STK3: variants seen among roughly 807,000 people sequenced by gnomAD.
STK3 encodes the protein serine/threonine-protein kinase 3.
Under a neutral mutation model 58.0 loss-of-function variants are expected in STK3, and 41 were observed. The observed-to-expected ratio is 0.71, with a 90% CI of 0.55 to 0.92. STK3 has a LOEUF of 0.92. Ranked by LOEUF, STK3 falls within the 40% of genes least tolerant of loss-of-function variation. STK3 has a pLI of 0.00. For synonymous variants in STK3, 170 were observed against 191.0 expected (o/e 0.89, Z 0.91); for missense variants, 479 against 602.7 (o/e 0.79, Z 2.15).
chr8:98,891,911 C>G (rs1421513629), intron 1 of STK3, among the ~76,000 whole-genome samples: 1 of 152,102 alleles, frequency 6.6e-6, no homozygotes, highest in African/African-American at 2.4e-5. Flanking sequence ...TCACTAGACT[C>G]TGAAAGTACT....
intron 1 of STK3, among the ~76,000 whole-genome samples, chr8:98,924,513 T>C (rs1463485282): frequency 1.3e-5 from 2 of 152,250 alleles, no homozygotes; most frequent in Admixed American, 6.5e-5. Context: ...ACTATGCTCA[T>C]CTTGCATCAA....
intron 7 of STK3, among the ~76,000 whole-genome samples, chr8:98,584,883 T>A (rs1456700023): frequency 6.6e-6 from 1 of 151,762 alleles, no homozygotes; most frequent in African/African-American, 2.4e-5. Context: ...GTTTTTTAGC[T>A]GCATAAATGT....
intron 3 of STK3, among the ~76,000 whole-genome samples, chr8:98,851,354 T>C (rs988363290): frequency 1.3e-5 from 2 of 152,168 alleles, no homozygotes; most frequent in Admixed American, 1.3e-4. Flanking sequence ...CACGCTAGTA[T>C]AGAGAAAGGC....
intron 3 of STK3, among the ~76,000 whole-genome samples, chr8:98,833,103 C>T (rs952757125): frequency 5.3e-5 from 8 of 152,106 alleles, no homozygotes; most frequent in East Asian, 3.8e-4. Context: ...GGTTGGGTTA[C>T]GCTTGATTTT....
downstream of STK3, among the ~76,000 whole-genome samples, chr8:98,366,705 A>G (rs918105661): frequency 6.6e-6 from 1 of 152,174 alleles, no homozygotes; most frequent in African/African-American, 2.4e-5. Flanking sequence ...CTATCTGTCT[A>G]TTCCTGCTCC....
chr8:98,810,273 T>C (rs893289938), intron 1 of STK3, among the ~76,000 whole-genome samples: 1 of 152,162 alleles, frequency 6.6e-6, no homozygotes, highest in African/African-American at 2.4e-5. Context: ...ATATCAGGTA[T>C]ATACCCAGAA....
At chr8:98,731,437 G>A (rs757059693) in intron 4 of STK3, among the ~76,000 whole-genome samples, 6 of 152,042 alleles carry the variant, frequency 3.9e-5, no homozygotes, top group Non-Finnish European at 8.8e-5. Context: ...GAAATTCAGG[G>A]GGCCGGGCGC....
chr8:98,678,247 T>C (rs951087574), intron 6 of STK3, among the ~76,000 whole-genome samples: 4 of 152,078 alleles, frequency 2.6e-5, no homozygotes, highest in African/African-American at 7.2e-5. Flanking sequence ...AAAATAATAA[T>C]TTCCTCCAAT....
At chr8:98,399,302 TGC>T (rs1428057269), downstream of STK3, among the ~76,000 whole-genome samples, 16 of 152,394 alleles carry the variant, frequency 1.0e-4, no homozygotes, top group African/African-American at 3.8e-4. Flanking sequence ...TGACTGTTAT[TGC>T]TCACCACATA....
chr8:98,749,214 G>A, intron 4 of STK3, 62 bp downstream of exon 4: 1 of 1,255,730 alleles, frequency 8.0e-7, no homozygotes, highest in Non-Finnish European at 1.1e-6. Context: ...ATACCAACTA[G>A]TCAGATTCTA....
At chr8:98,696,808 C>CTT (rs200107636) in intron 6 of STK3, among the ~76,000 whole-genome samples, 3,122 of 152,214 alleles carry the variant, frequency 0.021, 127 homozygotes, top group African/African-American at 0.071. Context: ...GGATATTGGT[C>CTT]TAAAATTCTC....
At chr8:98,697,520 C>A (rs1437344599) in intron 6 of STK3, among the ~76,000 whole-genome samples, 5 of 152,236 alleles carry the variant, frequency 3.3e-5, no homozygotes, top group African/African-American at 1.2e-4. Context: ...ACTCTACACA[C>A]TGCTTTGAAT....
At chr8:98,807,175 T>C (rs1833939779) in intron 1 of STK3, among the ~76,000 whole-genome samples, 1 of 147,156 alleles carries the variant, frequency 6.8e-6, no homozygotes, top group South Asian at 2.1e-4. Context: ...AAAAAAAGGA[T>C]TAGGTAGAAG....
intron 4 of STK3, among the ~76,000 whole-genome samples, chr8:98,734,002 C>A (rs1050321710): frequency 6.6e-6 from 1 of 152,026 alleles, no homozygotes; most frequent in South Asian, 2.1e-4. Context: ...ACAATCATGA[C>A]GGAAGGGCAA....
At chr8:98,471,078 G>C (rs1332034768) in intron 10 of STK3, among the ~76,000 whole-genome samples, 16 of 152,188 alleles carry the variant, frequency 1.1e-4, no homozygotes, top group Admixed American at 1.0e-3. Context: ...AGAGTTTATA[G>C]GTTTGTAGAG....
chr8:98,506,234 C>A (rs1174999072), intron 10 of STK3, among the ~76,000 whole-genome samples: 1 of 152,244 alleles, frequency 6.6e-6, no homozygotes, highest in African/African-American at 2.4e-5. Flanking sequence ...CCTGGTGTGC[C>A]TTCTGCTAAG....
chr8:98,398,812 C>T (rs766489901), downstream of STK3, among the ~76,000 whole-genome samples: 5 of 152,328 alleles, frequency 3.3e-5, no homozygotes, highest in South Asian at 2.1e-4. Flanking sequence ...AGATCCACAC[C>T]GCCTAGGGTC....
At chr8:98,639,843 G>A (rs938156670) in intron 6 of STK3, among the ~76,000 whole-genome samples, 1 of 151,996 alleles carries the variant, frequency 6.6e-6, no homozygotes, top group African/African-American at 2.4e-5. Context: ...AGGCGCGGTG[G>A]CTCACGCCTG....
intron 1 of STK3, among the ~76,000 whole-genome samples, chr8:98,784,488 A>G (rs991761874): frequency 2.6e-5 from 4 of 152,254 alleles, no homozygotes; most frequent in Admixed American, 2.6e-4. Context: ...CCTGTGGTGC[A>G]GCAGGGCCCT....
Sources: allele counts gnomAD v4.1 joint callset (sites outside exome capture counted in the v4.1 genomes callset), GRCh38; gene constraint gnomAD v4.1.1; transcripts MANE v1.5; gene names NCBI Gene and HGNC (gene_info 2026-07-23, HGNC 2026-07-21).